GNE: variants seen among roughly 807,000 people sequenced by gnomAD.
The protein encoded by GNE is glucosamine (UDP-N-acetyl)-2-epimerase/N-acetylmannosamine kinase.
Under a neutral mutation model 61.8 loss-of-function variants are expected in GNE, and 41 were observed. The observed-to-expected ratio is 0.66, with a 90% CI of 0.52 to 0.86. GNE has a LOEUF of 0.86. Among genes scored for constraint, GNE ranks in the 40% least tolerant of loss-of-function variants. The probability of loss-of-function intolerance (pLI) is 0.00; values close to 1 mark genes in which losing one functional copy is unlikely to be tolerated. For synonymous variants in GNE, 264 were observed against 326.4 expected (o/e 0.81, Z 2.06); for missense variants, 608 against 909.1 (o/e 0.67, Z 4.26).
intron 7 of GNE, among the ~76,000 whole-genome samples, chr9:36,224,594 C>T (rs780383266): frequency 4.6e-5 from 7 of 152,058 alleles, no homozygotes; most frequent in Non-Finnish European, 1.0e-4. Flanking sequence ...TATGGCCGGC[C>T]GTGGTGGCTC....
In GNE at chr9:36,216,204, G is replaced by T. The variant is rs1176753753; in HGVS notation, c.*1161C>A. 1 of 443,118 alleles carries T rather than the reference G, an allele frequency of 2.3e-6. No homozygotes were observed. Among genetic ancestry groups the T allele is most frequent in the African/African-American group, 2.0e-5 (1 of 49,820 alleles). 27.4% of individuals were successfully genotyped at this position (443,118 alleles called of 1,614,324 possible). ...ATATGTCAAGGCTTATCAAATTGTA[G>T]GCTTTAAAAACAATAAAGCTGTTTT... is the stretch of plus-strand genomic sequence containing the variant. On this transcript the variant is annotated 3_prime_UTR_variant, in exon 12 of 12. Coordinates refer to ENST00000642385, the MANE Select transcript of GNE (RefSeq NM_005476.7).
intron 3 of GNE, among the ~76,000 whole-genome samples, chr9:36,237,817 A>G (rs1386036973): frequency 1.4e-5 from 2 of 143,640 alleles, no homozygotes; most frequent in African/African-American, 2.6e-5. Flanking sequence ...GCCCCCTCCT[A>G]CTCTTCCCCC....
chr9:36,266,429 C>T (rs1162609146), intron 1 of GNE, among the ~76,000 whole-genome samples: 2 of 152,216 alleles, frequency 1.3e-5, no homozygotes, highest in African/African-American at 4.8e-5. Flanking sequence ...GGCTACACTA[C>T]ATGGGGAAAG....
intron 5 of GNE, among the ~76,000 whole-genome samples, chr9:36,230,260 A>G (rs1357874771): frequency 6.6e-6 from 1 of 151,982 alleles, no homozygotes; most frequent in Non-Finnish European, 1.5e-5. Flanking sequence ...CACATCTTAA[A>G]TGAACTCAGC....
chr9:36,260,848 A>G (rs1181299410), upstream of GNE, among the ~76,000 whole-genome samples: 4 of 136,750 alleles, frequency 2.9e-5, no homozygotes, highest in East Asian at 2.2e-4. Flanking sequence ...CAGCCTGGGC[A>G]ACAGAGCGAG....
chr9:36,226,901 C>A (rs989388366), intron 7 of GNE, among the ~76,000 whole-genome samples: 1 of 152,122 alleles, frequency 6.6e-6, no homozygotes, highest in Non-Finnish European at 1.5e-5. Context: ...TTGCTGATAC[C>A]CCTCACCTGG....
At chr9:36,220,057 C>T in intron 9 of GNE, 37 bp from the exon 10 acceptor site, 1 of 1,547,204 alleles carries the variant, frequency 6.5e-7, no homozygotes, top group East Asian at 2.2e-5. Context: ...GGGTGCTTTA[C>T]CTGAAACAGA....
intron 7 of GNE, among the ~76,000 whole-genome samples, chr9:36,226,218 G>A (rs1828856745): frequency 6.6e-6 from 1 of 152,136 alleles, no homozygotes; most frequent in Non-Finnish European, 1.5e-5. Context: ...TGTTGCCCAG[G>A]CTGGAGTGCA....
In GNE at chr9:36,236,892, A is replaced by G. The variant is rs2133078170; in HGVS notation, c.709T>C (p.Leu237=). 1.2e-6 allele frequency: 2 copies of G among 1,613,000 alleles called. No individual in the cohort carries two copies. Among genetic ancestry groups the G allele is most frequent in the Admixed American group, 1.7e-5 (1 of 60,024 alleles). ...TTGTTAAATGAGATAAGTGCATCCAATGTTAATTCAAACATTTTTATGGAA... is the reference window on the plus strand; with the variant it reads ...TTGTTAAATGAGATAAGTGCATCCAGTGTTAATTCAAACATTTTTATGGAA... ...KHSIKMFELT[L]DALISFNKRT... Residue 237 remains leucine (L), a synonymous_variant, in exon 4 of 12, where the codon TTG becomes CTG. Transcript: ENST00000642385.
chr9:36,215,262 G>GT lies in GNE; in HGVS notation c.*2102dup, dbSNP rs1287625439. On this transcript the variant is annotated 3_prime_UTR_variant, in exon 12 of 12. Transcript: ENST00000642385. Reference sequence around the variant, plus strand: ...AATCACTTGAACTTGGGGGGCAGAGGTTGCATTGAGCCACTGCACTCCAGC... The same window carrying GT: ...AATCACTTGAACTTGGGGGGCAGAGGTTTGCATTGAGCCACTGCACTCCAGC... The GT allele has an allele frequency of 2.6e-5, 4 of 152,142 alleles. No individual in the cohort carries two copies. Among genetic ancestry groups the GT allele is most frequent in the African/African-American group, 9.7e-5 (4 of 41,388 alleles). 9.4% of individuals were successfully genotyped at this position (152,142 alleles called of 1,614,324 possible).
chr9:36,259,657 TTTTG>T (rs753208473), upstream of GNE, among the ~76,000 whole-genome samples: 426 of 152,296 alleles, frequency 2.8e-3, 1 homozygote, highest in African/African-American at 9.3e-3. Flanking sequence ...CAGATTTCTT[TTTTG>T]TTTGTTTGTT....
At chr9:36,276,215 A>C (rs1302153411) in intron 1 of GNE, among the ~76,000 whole-genome samples, 1 of 152,140 alleles carries the variant, frequency 6.6e-6, no homozygotes, top group African/African-American at 2.4e-5. Context: ...CCATTCCTTA[A>C]CTATAGATGA....
rs2133024204 is a variant in GNE at position 36,223,415 on chromosome 9, C to T, written c.1369G>A (p.Ala457Thr). 6.2e-7 allele frequency: 1 copy of T among 1,613,154 alleles called. No individual in the cohort carries two copies. Among genetic ancestry groups the T allele is most frequent in the Admixed American group, 1.7e-5 (1 of 60,026 alleles). Residue 457 changes from alanine (A) to threonine (T), a missense_variant, in exon 8 of 12, where the codon GCA becomes ACA. Transcript: ENST00000642385. The stretch of plus-strand genomic sequence containing the variant: ...CAGTTCAGTTTTACAGCTTCTGCTG[C>T]AGCTTCCACACACATCTGTAGGATT... ...NLILQMCVEA[A>T]AEAVKLNCRI...
intron 4 of GNE, among the ~76,000 whole-genome samples, chr9:36,236,238 T>C (rs541171157): frequency 6.6e-6 from 1 of 152,266 alleles, no homozygotes; most frequent in East Asian, 1.9e-4. Context: ...TCTCACTCTG[T>C]CACTGAGACT....
In GNE at chr9:36,224,679, G is replaced by A. The variant is rs1397176039; in HGVS notation, c.1282-1177C>T. On this transcript the variant is annotated intron_variant, in intron 7 of 11. Transcript: ENST00000642385. The stretch of plus-strand genomic sequence containing the variant: ...GACCTCAGGAGTTCAAGACCAGCCT[G>A]CGCAATAAGAGGAAATCCCATCTCT... Among the ~76,000 whole-genome samples the A allele has an allele frequency of 2.6e-5, 4 of 152,112 alleles. No homozygotes were observed. In the East Asian group the frequency reaches 5.8e-4, roughly 22 times the overall value.
At chr9:36,256,845 G>A (rs919757722) in intron 1 of GNE, among the ~76,000 whole-genome samples, 2 of 152,156 alleles carry the variant, frequency 1.3e-5, no homozygotes, top group African/African-American at 4.8e-5. Flanking sequence ...CACAGCCCTC[G>A]TATTAGCCGC....
chr9:36,240,919 G>C (rs1438157077), intron 3 of GNE, among the ~76,000 whole-genome samples: 4 of 151,914 alleles, frequency 2.6e-5, no homozygotes, highest in Non-Finnish European at 4.4e-5. Flanking sequence ...TCTCTTCTAG[G>C]TTTTCTAGTT....
In GNE at chr9:36,218,064, G is replaced by A; in HGVS notation, c.1933+119C>T. The A allele has an allele frequency of 2.5e-6, 2 of 788,986 alleles. No homozygotes were observed. The highest frequency in any genetic ancestry group is 4.6e-6 in the Non-Finnish European group (2 of 433,114). The allele number at this position is 788,986 out of a possible 1,614,324, so 48.9% of individuals were successfully genotyped here. A position where few individuals can be genotyped will look rare whatever the true frequency, so the allele number is the denominator to read the frequency against. ...CTGAGTAATTAGGAAAGAAACCTCT[G>A]AACAGACACTGCAAAGCACCTGTCC... On this transcript the variant is annotated intron_variant, in intron 11 of 11. Transcript: ENST00000642385. This position sits in a 1 kb window ranked among gnomAD's most constrained non-coding sequence, Gnocchi z 4.1.
Position 36,246,128 on chromosome 9 carries a change from C to G in GNE, c.519G>C (p.Glu173Asp). Residue 173 changes from glutamate (E) to aspartate (D), a missense_variant, in exon 3 of 12, where the codon GAG (glutamate) becomes GAC (aspartate). Physicochemically the swap from Glu to Asp is conservative, Grantham distance 45 (BLOSUM62 2). Coordinates refer to ENST00000642385, the MANE Select transcript of GNE (RefSeq NM_005476.7). ...CTGCCAAAAGGATGCGATCATGGTCCTCACACATGGATATCAGGTGCTGCT... is the reference window on the plus strand; with the variant it reads ...CTGCCAAAAGGATGCGATCATGGTCGTCACACATGGATATCAGGTGCTGCT... ...SAEQHLISMC[E>D]DHDRILLAGC... 1 of 1,614,170 alleles carries G rather than the reference C, an allele frequency of 6.2e-7. No individual in the cohort carries two copies. The highest frequency in any genetic ancestry group is 1.3e-5 in the African/African-American group (1 of 75,052).
Sources: gnomAD v4.1 joint callset for allele counts (sites outside exome capture counted in the v4.1 genomes callset) on GRCh38, gnomAD v4.1.1 for gene constraint, Gnocchi (gnomAD v3.1) non-coding constraint, MANE v1.5 for transcripts, NCBI Gene and HGNC (gene_info 2026-07-23, HGNC 2026-07-21) for gene names.